KANK1: variants seen among roughly 807,000 people sequenced by gnomAD.
KANK1 encodes the protein KN motif and ankyrin repeat domain-containing protein 1.
In KANK1, 109 loss-of-function variants were observed where a neutral mutation model predicts 106.2. That is an observed-to-expected ratio of 1.03 (90% CI 0.88 to 1.20). The LOEUF (loss-of-function observed/expected upper bound fraction) is 1.20. KANK1 is among the 50% of genes most tolerant of loss of function. The pLI is 0.00. For missense variants in KANK1, 2,399 were observed against 1,710.7 expected (o/e 1.40, Z -7.10); for synonymous variants, 873 against 652.2 (o/e 1.34, Z -5.16).
intron 1 of KANK1, among the ~76,000 whole-genome samples, chr9:584,528 G>C (rs78509379): frequency 3.3e-5 from 5 of 152,148 alleles, no homozygotes; most frequent in Non-Finnish European, 5.9e-5. Flanking sequence ...CTAGACTTCT[G>C]TTCTGTTGAT....
At chr9:506,608 AT>A (rs1003447132) in intron 1 of KANK1, among the ~76,000 whole-genome samples, 2 of 152,160 alleles carry the variant, frequency 1.3e-5, no homozygotes, top group East Asian at 3.8e-4. Flanking sequence ...CTTAAAAGTA[AT>A]TTTTTAAAAT....
In KANK1 at chr9:711,987, G is replaced by A. The variant is rs756870547; in HGVS notation, c.1221G>A (p.Glu407=). ...ECRSVAVGAE[E]NMNDIVVYHR... ...GGTCTGTGGCTGTGGGTGCCGAGGA[G>A]AACATGAACGACATCGTCGTGTACC... The change falls in exon 3 of 12, where the codon GAG becomes GAA. Residue 407 remains glutamate, a synonymous_variant. Transcript: ENST00000382297. 1.2e-6 allele frequency: 2 copies of A among 1,614,076 alleles called. No individual in the cohort carries two copies. Among genetic ancestry groups the A allele is most frequent in the African/African-American group, 1.3e-5 (1 of 74,936 alleles).
intron 3 of KANK1, among the ~76,000 whole-genome samples, chr9:481,439 G>A (rs1275106957): frequency 2.6e-5 from 4 of 151,754 alleles, no homozygotes; most frequent in Middle Eastern, 3.2e-3. Context: ...TCTGTGATGT[G>A]TATAAAAATA....
At chr9:642,228 T>TA (rs746629150) in intron 1 of KANK1, among the ~76,000 whole-genome samples, 16 of 143,394 alleles carry the variant, frequency 1.1e-4, no homozygotes, top group Non-Finnish European at 2.2e-4. Flanking sequence ...CTCTGTATCA[T>TA]AAAAGCATGA....
Position 534,063 on chromosome 9 carries a change from AG to A in KANK1, c.-84+29317del, listed in dbSNP as rs551186755. ...AACAGAAGCTTGCAGATTGGGAGAA[AG>A]GGGGGGGCAGAACCAGTTGTTTTCA... On this transcript the variant is annotated intron_variant, in intron 1 of 11. Coordinates refer to ENST00000382297, the MANE Select transcript of KANK1 (RefSeq NM_015158.5). Among the ~76,000 whole-genome samples the A allele has an allele frequency of 2.0e-4, 31 of 151,758 alleles. No homozygotes were observed. In the East Asian group the frequency reaches 5.2e-3, roughly 26 times the overall value.
intron 2 of KANK1, among the ~76,000 whole-genome samples, chr9:697,724 G>A (rs772903563): frequency 5.9e-5 from 9 of 152,120 alleles, no homozygotes; most frequent in Non-Finnish European, 1.0e-4. Flanking sequence ...TCTCTGGATT[G>A]TAACTTGTTA....
At chr9:478,748 A>G (rs2058151231) in intron 3 of KANK1, among the ~76,000 whole-genome samples, 1 of 152,210 alleles carries the variant, frequency 6.6e-6, no homozygotes, top group African/African-American at 2.4e-5. Flanking sequence ...AGAGTCTAAA[A>G]TACAGTTAGT....
intron 1 of KANK1, among the ~76,000 whole-genome samples, chr9:551,067 A>G (rs957635493): frequency 6.6e-6 from 1 of 151,974 alleles, no homozygotes; most frequent in African/African-American, 2.4e-5. Context: ...ATGGATGGGA[A>G]TGAATGAGGA....
At chr9:543,659 G>C (rs1415524882) in intron 1 of KANK1, among the ~76,000 whole-genome samples, 1 of 151,874 alleles carries the variant, frequency 6.6e-6, no homozygotes, top group Admixed American at 6.6e-5. Context: ...TCAATGACTT[G>C]TTCTCATTTC....
chr9:580,958 C>A lies in KANK1; in HGVS notation c.-84+76204C>A, dbSNP rs538578742. Among the ~76,000 whole-genome samples, 258 of 152,308 alleles carry A rather than the reference C, an allele frequency of 1.7e-3. 2 individuals are homozygous for A. Among genetic ancestry groups the A allele is most frequent in the African/African-American group, 5.9e-3 (244 of 41,574 alleles). ...GCCTGGTGAGAATTGGAGCGCAGCG[C>A]TGGCAGGCTGACACTGCTAGGGAAC... is the stretch of plus-strand genomic sequence containing the variant. On this transcript the variant is annotated intron_variant, in intron 1 of 11. Coordinates refer to ENST00000382297, the MANE Select transcript of KANK1 (RefSeq NM_015158.5).
chr9:500,110 C>T (rs2058525144), upstream of KANK1, among the ~76,000 whole-genome samples: 2 of 152,138 alleles, frequency 1.3e-5, no homozygotes, highest in South Asian at 2.1e-4. Flanking sequence ...TCTTCTTGCA[C>T]CTGCTGTTTT....
At chr9:695,053 T>C (rs1017231270) in intron 2 of KANK1, among the ~76,000 whole-genome samples, 2 of 152,168 alleles carry the variant, frequency 1.3e-5, no homozygotes, top group Non-Finnish European at 2.9e-5. Flanking sequence ...ATCACATCAC[T>C]GCATTGTATG....
chr9:699,588 G>C (rs181984418), intron 2 of KANK1, among the ~76,000 whole-genome samples: 251 of 152,190 alleles, frequency 1.6e-3, no homozygotes, highest in Non-Finnish European at 2.2e-3. Context: ...GTTAGGAAGG[G>C]TTAGGAGTAC....
At chr9:741,516 C>G in intron 9 of KANK1, among the ~76,000 whole-genome samples, 1 of 138,736 alleles carries the variant, frequency 7.2e-6, no homozygotes, top group Non-Finnish European at 1.5e-5. Flanking sequence ...GAGACTAAGT[C>G]TCATTCTGTC....
At chr9:704,328 G>A (rs567503561) in intron 2 of KANK1, among the ~76,000 whole-genome samples, 65 of 152,288 alleles carry the variant, frequency 4.3e-4, no homozygotes, top group African/African-American at 1.5e-3. Context: ...GTTCCTTCTA[G>A]TACATCGTTC....
At chr9:621,779 G>A (rs10975449) in intron 1 of KANK1, among the ~76,000 whole-genome samples, 36,841 of 151,692 alleles carry the variant, frequency 0.24, 4,665 homozygotes, top group Admixed American at 0.33. Flanking sequence ...TTACTCACTC[G>A]CTTGTTCCTG....
intron 1 of KANK1, among the ~76,000 whole-genome samples, chr9:528,469 C>CTTTTTTTTTTTTTTTTTTTTTTTT (rs36072780): frequency 4.7e-5 from 4 of 85,082 alleles, no homozygotes; most frequent in Admixed American, 1.3e-4. Context: ...TAAAAAATAA[C>CTTTTTTTTTTTTTTTTTTTTTTTT]TTTTTTTTTT....
chr9:507,436 C>G (rs1479070742), intron 1 of KANK1, among the ~76,000 whole-genome samples: 3 of 152,124 alleles, frequency 2.0e-5, no homozygotes, highest in African/African-American at 7.2e-5. Flanking sequence ...GTCAGCCAGG[C>G]TACAGTGCAA....
upstream of KANK1, among the ~76,000 whole-genome samples, chr9:501,613 T>TATACACAC (rs1554722124): frequency 6.7e-6 from 1 of 148,432 alleles, no homozygotes; most frequent in African/African-American, 2.5e-5. Flanking sequence ...CGCACAGACA[T>TATACACAC]ACACACACAC....
Sources: gnomAD v4.1 joint callset for allele counts (sites outside exome capture counted in the v4.1 genomes callset) on GRCh38, gnomAD v4.1.1 for gene constraint, MANE v1.5 for transcripts, NCBI Gene and HGNC (gene_info 2026-07-23, HGNC 2026-07-21) for gene names.